GPC6: variants seen among roughly 807,000 people sequenced by gnomAD.
The protein encoded by GPC6 is glypican-6.
A neutral mutation model predicts 55.2 loss-of-function variants in GPC6; 14 were observed. The ratio of observed to expected loss-of-function variants is 0.25; its 90% CI spans 0.17 to 0.40. The LOEUF (loss-of-function observed/expected upper bound fraction) is 0.40, where lower values mean the gene tolerates loss of function less well. Ranked by LOEUF, GPC6 falls within the 10% of genes least tolerant of loss-of-function variation. GPC6 has a pLI of 1.00. For missense variants in GPC6, 641 were observed against 708.5 expected (o/e 0.90, Z 1.08); for synonymous variants, 278 against 259.6 (o/e 1.07, Z -0.68).
intron 4 of GPC6, among the ~76,000 whole-genome samples, chr13:94,142,558 T>C (rs1887418164): frequency 2.6e-5 from 4 of 152,170 alleles, no homozygotes; most frequent in African/African-American, 7.2e-5. Flanking sequence ...CTAACCCAAC[T>C]TATATTTAAA....
chr13:93,735,911 T>G (rs1883983928), intron 2 of GPC6, among the ~76,000 whole-genome samples: 1 of 152,248 alleles, frequency 6.6e-6, no homozygotes, highest in African/African-American at 2.4e-5. Context: ...TGAAGTTAAA[T>G]GACTTGCCCA....
At chr13:93,717,329 A>AT (rs1184808491) in intron 2 of GPC6, among the ~76,000 whole-genome samples, 3 of 151,682 alleles carry the variant, frequency 2.0e-5, no homozygotes, top group African/African-American at 7.2e-5. Flanking sequence ...TAAAATTCTG[A>AT]TTTAAGTGTA....
At chr13:94,343,224 C>T (rs1045649232) in intron 6 of GPC6, among the ~76,000 whole-genome samples, 5 of 152,098 alleles carry the variant, frequency 3.3e-5, no homozygotes, top group African/African-American at 9.7e-5. Context: ...TAAGGATTTA[C>T]GGTATTTAAC....
chr13:93,798,583 T>G (rs1199933094), intron 2 of GPC6, among the ~76,000 whole-genome samples: 1 of 152,088 alleles, frequency 6.6e-6, no homozygotes, highest in Non-Finnish European at 1.5e-5. Context: ...AAAAAGCACA[T>G]ATGGCTATCA....
At chr13:93,492,558 G>A (rs1880063237) in intron 1 of GPC6, among the ~76,000 whole-genome samples, 1 of 142,706 alleles carries the variant, frequency 7.0e-6, no homozygotes, top group Admixed American at 7.0e-5. Flanking sequence ...CCAACACTAT[G>A]TTGAATAGGA....
chr13:93,666,497 G>T (rs1267477449), intron 2 of GPC6, among the ~76,000 whole-genome samples: 2 of 152,062 alleles, frequency 1.3e-5, no homozygotes, highest in African/African-American at 2.4e-5. Flanking sequence ...TTGTCATGGG[G>T]CTTTGTCCTT....
At chr13:93,295,027 T>C (rs1293889866) in intron 1 of GPC6, among the ~76,000 whole-genome samples, 1 of 148,976 alleles carries the variant, frequency 6.7e-6, no homozygotes, top group Non-Finnish European at 1.5e-5. Flanking sequence ...TCCCAGAATG[T>C]TGGGAAGCCT....
At chr13:94,272,463 C>CTTTTCTT (rs1892063011) in intron 4 of GPC6, among the ~76,000 whole-genome samples, 5 of 85,744 alleles carry the variant, frequency 5.8e-5, no homozygotes, top group African/African-American at 2.8e-4. Flanking sequence ...CTTTTCTTTT[C>CTTTTCTT]TTTTTTTTTT....
At chr13:93,630,630 C>T (rs906391419) in intron 2 of GPC6, among the ~76,000 whole-genome samples, 1 of 152,010 alleles carries the variant, frequency 6.6e-6, no homozygotes, top group African/African-American at 2.4e-5. Flanking sequence ...AAAATTGACG[C>T]TTTTTGGTTT....
At chr13:94,215,242 C>A (rs1890191751) in intron 4 of GPC6, among the ~76,000 whole-genome samples, 1 of 152,162 alleles carries the variant, frequency 6.6e-6, no homozygotes, top group Non-Finnish European at 1.5e-5. Flanking sequence ...CAGCTTCTAA[C>A]TGGCTGCATT....
chr13:93,472,020 C>T (rs1879139940), intron 1 of GPC6, among the ~76,000 whole-genome samples: 1 of 152,160 alleles, frequency 6.6e-6, no homozygotes, highest in Non-Finnish European at 1.5e-5. Context: ...TCTATTTTCA[C>T]AATTGTTGGT....
At chr13:93,832,962 G>T (rs1257685577) in intron 3 of GPC6, among the ~76,000 whole-genome samples, 1 of 152,024 alleles carries the variant, frequency 6.6e-6, no homozygotes, top group Admixed American at 6.6e-5. Context: ...GCAGATATTG[G>T]CTTGTTTGAC....
intron 2 of GPC6, among the ~76,000 whole-genome samples, chr13:93,759,683 T>A (rs981469923): frequency 3.9e-5 from 6 of 152,164 alleles, no homozygotes; most frequent in African/African-American, 1.4e-4. Flanking sequence ...AATATCTTAT[T>A]TTCAGAATTT....
At chr13:94,247,690 G>A (rs1302751334) in intron 4 of GPC6, among the ~76,000 whole-genome samples, 2 of 152,010 alleles carry the variant, frequency 1.3e-5, no homozygotes, top group Non-Finnish European at 2.9e-5. Context: ...TGCATGTTTG[G>A]GGGTAAATCC....
chr13:93,750,523 A>G (rs928491867), intron 2 of GPC6, among the ~76,000 whole-genome samples: 1 of 152,194 alleles, frequency 6.6e-6, no homozygotes, highest in Non-Finnish European at 1.5e-5. Context: ...TCCTATTTCA[A>G]TCAGATCTGT....
At chr13:94,282,618 G>C (rs1013142360) in intron 4 of GPC6, among the ~76,000 whole-genome samples, 1 of 152,196 alleles carries the variant, frequency 6.6e-6, no homozygotes, top group African/African-American at 2.4e-5. Context: ...GGTTCACCAA[G>C]TGGTAATCAG....
intron 6 of GPC6, among the ~76,000 whole-genome samples, chr13:94,347,219 T>G (rs1326022640): frequency 1.3e-5 from 2 of 152,290 alleles, no homozygotes; most frequent in Non-Finnish European, 2.9e-5. Flanking sequence ...ATATCCAGGA[T>G]GGTTCTTCTG....
chr13:93,550,024 T>C (rs1236895577), intron 2 of GPC6, among the ~76,000 whole-genome samples: 1 of 152,178 alleles, frequency 6.6e-6, no homozygotes, highest in Non-Finnish European at 1.5e-5. Flanking sequence ...GTAGAAATAT[T>C]GGTGGGTAAA....
intron 1 of GPC6, among the ~76,000 whole-genome samples, chr13:93,490,609 G>A (rs1240840355): frequency 2.3e-5 from 3 of 130,714 alleles, no homozygotes; most frequent in South Asian, 2.7e-4. Flanking sequence ...ATGCTGGTGC[G>A]CTGCACCCAC....
Sources: allele counts gnomAD v4.1 joint callset (sites outside exome capture counted in the v4.1 genomes callset), GRCh38; gene constraint gnomAD v4.1.1; transcripts MANE v1.5; gene names NCBI Gene and HGNC (gene_info 2026-07-23, HGNC 2026-07-21).